Variants in TLK1 observed in about 807,000 individuals in gnomAD.
TLK1 encodes the protein tousled like kinase 1, also known as serine/threonine-protein kinase tousled-like 1.
A neutral mutation model predicts 105.3 loss-of-function variants in TLK1; 24 were observed. The observed-to-expected ratio is 0.23, with a 90% confidence interval of 0.17 to 0.32. The LOEUF is 0.32. Among genes scored for constraint, TLK1 ranks in the 10% least tolerant of loss-of-function variants. The probability of loss-of-function intolerance (pLI) is 1.00; values close to 1 mark genes in which losing one functional copy is unlikely to be tolerated. For missense variants in TLK1, 558 were observed against 910.5 expected, an observed-to-expected ratio of 0.61 and a Z score of 4.98; for synonymous variants, 321 against 310.4, an observed-to-expected ratio of 1.03 and a Z score of -0.36.
At chr2:171,157,802 A>G (rs1350887153) in intron 1 of TLK1, among the ~76,000 whole-genome samples, 1 of 152,212 alleles carries the variant, frequency 6.6e-6, no homozygotes, top group African/African-American at 2.4e-5. Context: ...CATCACATAG[A>G]ATATTTATGT....
chr2:171,128,872 G>A lies in TLK1; in HGVS notation c.140-11015C>T, dbSNP rs190925673. Among the ~76,000 whole-genome samples, 346 of 152,252 alleles carry A rather than the reference G, an allele frequency of 2.3e-3. 2 individuals are homozygous for A. The highest frequency in any genetic ancestry group is 0.014 in the Middle Eastern group (4 of 294). ...CTGATTTTAAAAATAAAGAAATTGAGACACTGAAAGGTTAAGTTATACTGC... is the reference window on the plus strand; with the variant it reads ...CTGATTTTAAAAATAAAGAAATTGAAACACTGAAAGGTTAAGTTATACTGC... On this transcript the variant is annotated intron_variant, in intron 1 of 20. Coordinates refer to ENST00000431350, the MANE Select transcript of TLK1 (RefSeq NM_012290.5).
intron 2 of TLK1, among the ~76,000 whole-genome samples, chr2:171,088,058 T>C (rs1370543452): frequency 6.6e-6 from 1 of 151,994 alleles, no homozygotes; most frequent in African/African-American, 2.4e-5. Flanking sequence ...TGGCTGGGTA[T>C]GGTGGCTCAC....
intron 1 of TLK1, among the ~76,000 whole-genome samples, chr2:171,180,252 C>A (rs56256684): frequency 6.6e-6 from 1 of 151,648 alleles, no homozygotes. Flanking sequence ...CGGGTCCCTG[C>A]GTCTCAATAG....
chr2:171,227,915 C>T (rs1292070392), intron 1 of TLK1, among the ~76,000 whole-genome samples: 1 of 152,138 alleles, frequency 6.6e-6, no homozygotes, highest in East Asian at 1.9e-4. Flanking sequence ...GTGGCTCACA[C>T]CTGTAATCCC....
chr2:171,138,936 C>CTACAATA (rs1296368054), intron 1 of TLK1, among the ~76,000 whole-genome samples: 2 of 152,062 alleles, frequency 1.3e-5, no homozygotes, highest in African/African-American at 4.8e-5. Context: ...GAAACAGTAA[C>CTACAATA]TACAATACAT....
chr2:171,089,083 T>A (rs958183), intron 2 of TLK1, among the ~76,000 whole-genome samples: 3 of 151,874 alleles, frequency 2.0e-5, no homozygotes, highest in Non-Finnish European at 4.4e-5. Flanking sequence ...GGTTTCGCCA[T>A]GTTGGCCAGG....
At chr2:171,016,033 G>A (rs980733575) in intron 12 of TLK1, among the ~76,000 whole-genome samples, 35 of 152,116 alleles carry the variant, frequency 2.3e-4, no homozygotes, top group Admixed American at 1.2e-3. Context: ...AGCTGAGATC[G>A]TGCCACTGCA....
intron 2 of TLK1, among the ~76,000 whole-genome samples, chr2:171,098,262 C>CA (rs1330389199): frequency 2.0e-5 from 3 of 151,062 alleles, no homozygotes; most frequent in African/African-American, 4.9e-5. Flanking sequence ...GTTTTCCGCA[C>CA]AAAAAAAACT....
At chr2:171,116,970 A>G (rs1429798393) in intron 2 of TLK1, among the ~76,000 whole-genome samples, 1 of 152,218 alleles carries the variant, frequency 6.6e-6, no homozygotes, top group Non-Finnish European at 1.5e-5. Flanking sequence ...ACAAAGGTCC[A>G]TAAGAGCCCA....
intron 1 of TLK1, among the ~76,000 whole-genome samples, chr2:171,175,455 A>G: frequency 6.6e-6 from 1 of 152,176 alleles, no homozygotes; most frequent in East Asian, 1.9e-4. Context: ...TCTAGAGATG[A>G]TTTAAAGTTT....
chr2:171,222,655 A>T (rs544201314), intron 1 of TLK1, among the ~76,000 whole-genome samples: 2 of 152,250 alleles, frequency 1.3e-5, no homozygotes, highest in African/African-American at 4.8e-5. Context: ...GGACATGTGA[A>T]ATTTTGATAC....
intron 1 of TLK1, among the ~76,000 whole-genome samples, chr2:171,124,884 T>A (rs759103649): frequency 1.3e-5 from 2 of 152,208 alleles, no homozygotes; most frequent in African/African-American, 4.8e-5. Context: ...ACTCCTTGAA[T>A]AAAGAACAAC....
At chr2:171,053,367 A>AT (rs899723789) in intron 8 of TLK1, among the ~76,000 whole-genome samples, 55 of 147,012 alleles carry the variant, frequency 3.7e-4, no homozygotes, top group Admixed American at 6.1e-4. Context: ...TAGCTACAGA[A>AT]TTTTTTTTTT....
At chr2:171,134,169 T>G (rs1272333346) in intron 1 of TLK1, among the ~76,000 whole-genome samples, 3 of 152,202 alleles carry the variant, frequency 2.0e-5, no homozygotes, top group African/African-American at 7.2e-5. Context: ...TAATTCTATA[T>G]GACACATAAA....
chr2:170,997,535 GGT>G (rs1286886315), intron 19 of TLK1, among the ~76,000 whole-genome samples, 175 bp downstream of exon 19: 1 of 152,136 alleles, frequency 6.6e-6, no homozygotes, highest in Non-Finnish European at 1.5e-5. Context: ...CAAGTAAACT[GGT>G]GTGACATTAA....
intron 11 of TLK1, among the ~76,000 whole-genome samples, chr2:171,029,482 A>T (rs1247666970): frequency 1.3e-5 from 2 of 152,102 alleles, no homozygotes; most frequent in Middle Eastern, 3.4e-3. Context: ...TCACCCCCAA[A>T]AAAGCACTAA....
At chr2:171,153,905 T>A (rs1301816933) in intron 1 of TLK1, 1 of 152,264 alleles carries the variant, frequency 6.6e-6, no homozygotes, top group African/African-American at 2.4e-5. Context: ...TTCTTTTTTC[T>A]TTTTTGAGAC....
chr2:171,196,188 C>A (rs1693272123), intron 1 of TLK1, among the ~76,000 whole-genome samples: 1 of 150,120 alleles, frequency 6.7e-6, no homozygotes, highest in Non-Finnish European at 1.5e-5. Context: ...ATGATCTTGG[C>A]TCACTGCAAC....
intron 2 of TLK1, among the ~76,000 whole-genome samples, chr2:171,110,977 T>C (rs981732056): frequency 2.0e-5 from 3 of 151,792 alleles, no homozygotes; most frequent in Non-Finnish European, 4.4e-5. Flanking sequence ...AACTAAACAT[T>C]CAACTCAATA....
Sources: gnomAD v4.1 joint callset for allele counts (sites outside exome capture counted in the v4.1 genomes callset) on GRCh38, gnomAD v4.1.1 for gene constraint, MANE v1.5 for transcripts, NCBI Gene and HGNC (gene_info 2026-07-23, HGNC 2026-07-21) for gene names.